KCNMA1: variants seen among roughly 807,000 people sequenced by gnomAD.
The protein encoded by KCNMA1 is potassium calcium-activated channel subfamily M alpha 1, also known as Calcium-activated potassium channel subunit alpha-1.
A neutral mutation model predicts 140.0 loss-of-function variants in KCNMA1; 29 were observed. That is an observed-to-expected ratio of 0.21 (90% CI 0.15 to 0.28). The LOEUF (loss-of-function observed/expected upper bound fraction) is 0.28. KCNMA1 is among the 10% of genes least tolerant of loss of function. KCNMA1 has a pLI of 1.00. For synonymous variants in KCNMA1, 612 were observed against 611.9 expected (o/e 1.00, Z 0.00); for missense variants, 880 against 1,602.2 (o/e 0.55, Z 7.70).
At chr10:77,092,377 T>G (rs554786650) in intron 9 of KCNMA1, among the ~76,000 whole-genome samples, 1 of 152,206 alleles carries the variant, frequency 6.6e-6, no homozygotes, top group African/African-American at 2.4e-5. Flanking sequence ...GCCAAATATG[T>G]TTGAAGTGAA....
intron 1 of KCNMA1, among the ~76,000 whole-genome samples, chr10:77,496,657 G>A (rs948961372): frequency 2.7e-5 from 4 of 149,490 alleles, no homozygotes. Flanking sequence ...AGACCAGTGG[G>A]CCCCCAAAGC....
chr10:77,489,908 C>A (rs573606473), intron 1 of KCNMA1, among the ~76,000 whole-genome samples: 111 of 152,344 alleles, frequency 7.3e-4, no homozygotes, highest in African/African-American at 2.5e-3. Flanking sequence ...TGCTGCCTAA[C>A]CTCAGCAAGT....
intron 2 of KCNMA1, among the ~76,000 whole-genome samples, chr10:77,317,944 G>A (rs1484223539): frequency 6.6e-6 from 1 of 152,156 alleles, no homozygotes; most frequent in Non-Finnish European, 1.5e-5. Flanking sequence ...CCTGGGTTGA[G>A]CCCGCATCTT....
intron 2 of KCNMA1, among the ~76,000 whole-genome samples, chr10:77,306,658 C>T (rs180822459): frequency 4.6e-5 from 7 of 152,206 alleles, no homozygotes; most frequent in South Asian, 2.1e-4. Context: ...TTCTACCAGC[C>T]GCAGTTAGAA....
intron 3 of KCNMA1, among the ~76,000 whole-genome samples, chr10:77,210,924 T>C (rs1598823644): frequency 6.6e-6 from 1 of 152,028 alleles, no homozygotes; most frequent in African/African-American, 2.4e-5. Flanking sequence ...ACAACACAAA[T>C]AAATGGAAAA....
chr10:76,916,804 T>C (rs2053116944), intron 23 of KCNMA1, among the ~76,000 whole-genome samples: 1 of 152,226 alleles, frequency 6.6e-6, no homozygotes, highest in African/African-American at 2.4e-5. Context: ...CCTGTTGTTT[T>C]GGAGGTGCAT....
At chr10:77,213,216 C>T (rs1039655897) in intron 3 of KCNMA1, among the ~76,000 whole-genome samples, 40 of 152,130 alleles carry the variant, frequency 2.6e-4, no homozygotes, top group African/African-American at 7.7e-4. Context: ...CGAGCAAAAA[C>T]GGCTCTAACC....
At chr10:76,877,976 T>C in intron 29 of KCNMA1, 1 of 1,345,620 alleles carries the variant, frequency 7.4e-7, no homozygotes, top group Non-Finnish European at 1.0e-6. Flanking sequence ...GAAAGTTCAT[T>C]GAAAAACGCA....
chr10:77,528,051 C>T (rs1179463669), intron 1 of KCNMA1, among the ~76,000 whole-genome samples: 2 of 152,164 alleles, frequency 1.3e-5, no homozygotes, highest in African/African-American at 2.4e-5. Context: ...CTTAACCACT[C>T]TGTGCCTGCA....
chr10:77,108,828 C>T lies in KCNMA1; in HGVS notation c.1132-256G>A, dbSNP rs2574790. 6.6e-6 allele frequency among the ~76,000 whole-genome samples: 1 copy of T among 152,112 alleles called. No individual in the cohort carries two copies. Among genetic ancestry groups the T allele is most frequent in the Non-Finnish European group, 1.5e-5 (1 of 68,038 alleles). ...ATCACAGTCGAGAAAAATACAAAGG[C>T]GACAGGAATAAATAAGGTGATATCT... On this transcript the variant is annotated intron_variant, in intron 8 of 27. Coordinates refer to ENST00000286628, the MANE Select transcript of KCNMA1 (RefSeq NM_001161352.2). This position sits in a 1 kb window ranked among gnomAD's most constrained non-coding sequence, Gnocchi z 4.6.
chr10:77,424,530 A>G (rs778217553), intron 1 of KCNMA1, among the ~76,000 whole-genome samples: 11 of 151,926 alleles, frequency 7.2e-5, no homozygotes, highest in Non-Finnish European at 1.6e-4. Context: ...TCATTCATTC[A>G]TTCAACAATT....
chr10:77,190,792 TC>T (rs1369418955), intron 3 of KCNMA1, among the ~76,000 whole-genome samples: 3 of 152,042 alleles, frequency 2.0e-5, no homozygotes, highest in Non-Finnish European at 4.4e-5. Context: ...GGAAGACTGA[TC>T]CCATCGGCTG....
At chr10:76,992,585 T>G (rs1357004750) in intron 19 of KCNMA1, among the ~76,000 whole-genome samples, 1 of 152,064 alleles carries the variant, frequency 6.6e-6, no homozygotes, top group Non-Finnish European at 1.5e-5. Flanking sequence ...CTTGGTGCAT[T>G]TTGCCACATT....
chr10:77,459,373 C>A (rs1406182263), intron 1 of KCNMA1, among the ~76,000 whole-genome samples: 1 of 152,222 alleles, frequency 6.6e-6, no homozygotes, highest in Admixed American at 6.5e-5. Flanking sequence ...ACAATCCAGG[C>A]CTTCCAAGCA....
intron 23 of KCNMA1, among the ~76,000 whole-genome samples, chr10:76,938,149 G>C (rs2061056187): frequency 6.6e-6 from 1 of 152,024 alleles, no homozygotes; most frequent in Admixed American, 6.6e-5. Context: ...CCCTCTCTCT[G>C]AGGCTCTCCT....
intron 2 of KCNMA1, among the ~76,000 whole-genome samples, chr10:77,263,062 G>T (rs1338371440): frequency 6.6e-6 from 1 of 152,148 alleles, no homozygotes; most frequent in Non-Finnish European, 1.5e-5. Flanking sequence ...AGAAGCATAT[G>T]TATATTTAAA....
intron 5 of KCNMA1, among the ~76,000 whole-genome samples, chr10:77,154,144 C>G (rs550154601): frequency 6.6e-6 from 1 of 151,976 alleles, no homozygotes; most frequent in Admixed American, 6.5e-5. Context: ...TCTGGCATTT[C>G]CCCTGCTTGA....
rs576417022 is a variant in KCNMA1, at chr10:77,581,409, C to T, written c.378+55856G>A. Among the ~76,000 whole-genome samples, 7 of 152,112 alleles carry T rather than the reference C, an allele frequency of 4.6e-5. No individual in the cohort carries two copies. The East Asian group carries it at 5.8e-4, about 13-fold the overall frequency. On this transcript the variant is annotated intron_variant, in intron 1 of 27. Transcript: ENST00000286628. ...CTGTAACCTCTGCCTCCCGGGTTCA[C>T]GGCATTCTCCTGCCTCAGCCTCAGT...
chr10:77,311,668 A>G (rs77897411), intron 2 of KCNMA1, among the ~76,000 whole-genome samples: 2,428 of 152,290 alleles, frequency 0.016, 70 homozygotes, highest in African/African-American at 0.054. Context: ...CAATAAAGCT[A>G]TTTCAGCTCT....
Sources: gnomAD v4.1 joint callset for allele counts (sites outside exome capture counted in the v4.1 genomes callset) on GRCh38, gnomAD v4.1.1 for gene constraint, Gnocchi (gnomAD v3.1) non-coding constraint, MANE v1.5 for transcripts, NCBI Gene and HGNC (gene_info 2026-07-23, HGNC 2026-07-21) for gene names.